CFAP47: variants seen among roughly 807,000 people sequenced by gnomAD.
CFAP47 encodes the protein cilia and flagella associated protein 47.
A neutral mutation model predicts 148.1 loss-of-function variants in CFAP47; 29 were observed. That is an observed-to-expected ratio of 0.20 (90% CI 0.15 to 0.27). The LOEUF is 0.27. CFAP47 is among the 10% of genes least tolerant of loss of function. The probability of loss-of-function intolerance (pLI) is 1.00; values close to 1 mark genes in which losing one functional copy is unlikely to be tolerated. For synonymous variants in CFAP47, 664 were observed against 577.3 expected (o/e 1.15, Z -2.15); for missense variants, 1,872 against 1,697.5 (o/e 1.10, Z -1.81).
chrX:36,062,702 G>A, intron 26 of CFAP47, among the ~76,000 whole-genome samples: 1 of 111,043 alleles, frequency 9.0e-6, no homozygotes, highest in African/African-American at 3.3e-5. Flanking sequence ...CAGGGGCTGG[G>A]GGTGGGGTGG....
intron 62 of CFAP47, among the ~76,000 whole-genome samples, chrX:36,377,932 A>G (rs918896390): frequency 3.6e-5 from 4 of 111,854 alleles, no homozygotes; most frequent in African/African-American, 6.5e-5. Flanking sequence ...GCCCGAAGTC[A>G]TCCATCTAAA....
chrX:36,012,439 G>A (rs925120584), intron 21 of CFAP47, among the ~76,000 whole-genome samples: 2 of 111,970 alleles, frequency 1.8e-5, no homozygotes, highest in Admixed American at 9.5e-5. Flanking sequence ...TGATAGACTG[G>A]ATAAAGAAAA....
intron 45 of CFAP47, among the ~76,000 whole-genome samples, chrX:36,221,988 C>G (rs1313960900): frequency 2.7e-5 from 3 of 111,660 alleles, no homozygotes; most frequent in Non-Finnish European, 5.6e-5. Context: ...GCTCTTAAGG[C>G]TAGCTTGACT....
At chrX:36,211,709 G>A (rs1264711599) in intron 45 of CFAP47, 2 of 194,478 alleles carry the variant, frequency 1.0e-5, no homozygotes, top group Middle Eastern at 2.4e-3. Context: ...TCAAGGGGAG[G>A]AAGAAGATGA....
chrX:35,932,959 T>C (rs985716672), intron 2 of CFAP47, among the ~76,000 whole-genome samples: 3 of 111,465 alleles, frequency 2.7e-5, no homozygotes, highest in Admixed American at 9.5e-5. Flanking sequence ...TATGTGTATA[T>C]ATTTAAGGTT....
intron 30 of CFAP47, among the ~76,000 whole-genome samples, chrX:36,095,997 A>C (rs1373061666): frequency 9.0e-6 from 1 of 110,835 alleles, no homozygotes; most frequent in Non-Finnish European, 1.9e-5. Flanking sequence ...TACAGCTATA[A>C]ACTTCCCTCT....
intron 46 of CFAP47, among the ~76,000 whole-genome samples, chrX:36,234,235 G>A (rs377161395): frequency 1.3e-3 from 143 of 110,324 alleles, no homozygotes; most frequent in Non-Finnish European, 2.3e-3. Context: ...CATTCTCCCC[G>A]TCACTTTCAG....
At chrX:36,015,305 TA>T (rs1219459159) in intron 22 of CFAP47, among the ~76,000 whole-genome samples, 2 of 110,881 alleles carry the variant, frequency 1.8e-5, no homozygotes, top group African/African-American at 6.5e-5. Flanking sequence ...GATGGGTTAC[TA>T]AAAGACTGAG....
chrX:36,371,802 ACATG>A (rs1569329547), intron 62 of CFAP47, among the ~76,000 whole-genome samples: 1 of 55,900 alleles, frequency 1.8e-5, no homozygotes, highest in Non-Finnish European at 2.7e-5. Context: ...GTATATACAC[ACATG>A]TATATATGTG....
intron 37 of CFAP47, among the ~76,000 whole-genome samples, chrX:36,150,557 A>T (rs1939296102): frequency 8.9e-6 from 1 of 111,990 alleles, no homozygotes; most frequent in South Asian, 3.7e-4. Context: ...CTATACATTA[A>T]ATTGAGTAAC....
At chrX:36,272,381 C>T (rs1208320704) in intron 49 of CFAP47, among the ~76,000 whole-genome samples, 2 of 111,440 alleles carry the variant, frequency 1.8e-5, no homozygotes, top group African/African-American at 6.5e-5. Context: ...AGAACAATAA[C>T]ATTTGATTAT....
At chrX:35,936,495 A>C (rs1935914412) in intron 2 of CFAP47, among the ~76,000 whole-genome samples, 1 of 105,992 alleles carries the variant, frequency 9.4e-6, no homozygotes, top group African/African-American at 3.5e-5. Flanking sequence ...GATAATTTCA[A>C]CCTGAGGTTC....
At chrX:36,304,392 C>CAA (rs34996225) in intron 54 of CFAP47, among the ~76,000 whole-genome samples, 8 of 80,827 alleles carry the variant, frequency 9.9e-5, no homozygotes, top group African/African-American at 2.1e-4. Context: ...CAAAAGTAAT[C>CAA]AAAAAAAAAA....
chrX:36,324,366 T>G, intron 57 of CFAP47, among the ~76,000 whole-genome samples: 1 of 111,631 alleles, frequency 9.0e-6, no homozygotes, highest in East Asian at 2.8e-4. Flanking sequence ...TAGTGTTACA[T>G]ACTGTAGCAC....
At chrX:36,117,245 T>C (rs1938657415) in intron 33 of CFAP47, among the ~76,000 whole-genome samples, 1 of 111,480 alleles carries the variant, frequency 9.0e-6, no homozygotes, top group Non-Finnish European at 1.9e-5. Flanking sequence ...GATATATTGG[T>C]TTTCCTTGTT....
intron 1 of CFAP47, among the ~76,000 whole-genome samples, chrX:35,920,999 C>T (rs1257429452): frequency 3.6e-5 from 4 of 111,502 alleles, no homozygotes; most frequent in African/African-American, 3.3e-5. Flanking sequence ...TTAAAAAAAT[C>T]GATGTATTAT....
At chrX:36,350,753 T>G (rs1941738155) in intron 59 of CFAP47, among the ~76,000 whole-genome samples, 1 of 109,035 alleles carries the variant, frequency 9.2e-6, no homozygotes, top group Admixed American at 1.0e-4. Context: ...TTCTCTTTCC[T>G]CAATACTCTT....
At chrX:36,010,311 G>A (rs1179836749) in intron 21 of CFAP47, among the ~76,000 whole-genome samples, 1 of 110,508 alleles carries the variant, frequency 9.0e-6, no homozygotes, top group East Asian at 2.8e-4. Context: ...TTTCAAAATT[G>A]AGATTTGGAT....
chrX:36,356,154 G>T (rs1048728661), intron 60 of CFAP47, among the ~76,000 whole-genome samples: 2 of 111,448 alleles, frequency 1.8e-5, no homozygotes, highest in African/African-American at 6.5e-5. Context: ...TTTTGATATG[G>T]CTCTTATTTT....
Sources: gnomAD v4.1 joint callset for allele counts (sites outside exome capture counted in the v4.1 genomes callset) on GRCh38, gnomAD v4.1.1 for gene constraint, MANE v1.5 for transcripts, NCBI Gene and HGNC (gene_info 2026-07-23, HGNC 2026-07-21) for gene names.